The following PRDM1 variants were observed in gnomAD, a reference collection of about 807,000 sequenced individuals.
The protein encoded by PRDM1 is PR/SET domain 1.
PRDM1 carries 13 observed loss-of-function variants against 62.8 expected under a neutral mutation model. The observed-to-expected ratio is 0.21, with a 90% CI of 0.13 to 0.33. PRDM1 has a LOEUF of 0.33. PRDM1 is among the 10% of genes least tolerant of loss of function. The pLI, the probability that PRDM1 is intolerant of heterozygous loss-of-function variation, is 1.00. For missense variants in PRDM1, 895 were observed against 1,058.8 expected, an observed-to-expected ratio of 0.85 and a Z score of 2.15; for synonymous variants, 396 against 417.6, an observed-to-expected ratio of 0.95 and a Z score of 0.63.
chr6:106,074,321 AT>A, intron 1 of PRDM1, among the ~76,000 whole-genome samples: 1 of 152,276 alleles, frequency 6.6e-6, no homozygotes, highest in African/African-American at 2.4e-5. Flanking sequence ...GTCTCTAGGG[AT>A]TGTAATTTCC....
At chr6:106,095,825 G>A (rs1774100994) in intron 3 of PRDM1, 91 bp downstream of exon 3, 1 of 1,417,696 alleles carries the variant, frequency 7.1e-7, no homozygotes, top group Non-Finnish European at 9.6e-7. Context: ...ATCCTGTGCT[G>A]AGAAATGCTG....
intron 1 of PRDM1, among the ~76,000 whole-genome samples, chr6:106,020,821 A>G (rs1165092538): frequency 6.6e-6 from 1 of 152,242 alleles, no homozygotes; most frequent in Non-Finnish European, 1.5e-5. Flanking sequence ...TTGGCTATTA[A>G]GTACTTGGGC....
At chr6:106,034,993 A>C (rs1361804467) in intron 1 of PRDM1, among the ~76,000 whole-genome samples, 2 of 152,206 alleles carry the variant, frequency 1.3e-5, no homozygotes, top group African/African-American at 4.8e-5. Flanking sequence ...TGTGCTGTGC[A>C]CACTTGAGAA....
chr6:106,064,181 CTG>C (rs1263380642), intron 1 of PRDM1, among the ~76,000 whole-genome samples: 2 of 152,188 alleles, frequency 1.3e-5, no homozygotes, highest in African/African-American at 4.8e-5. Flanking sequence ...TTGAGTGTGA[CTG>C]TTTCCTCTGC....
intron 1 of PRDM1, among the ~76,000 whole-genome samples, chr6:106,033,899 T>A (rs1331489402): frequency 6.6e-6 from 1 of 152,142 alleles, no homozygotes; most frequent in African/African-American, 2.4e-5. Context: ...AGATTTTTTA[T>A]TATTATTTTT....
intron 1 of PRDM1, among the ~76,000 whole-genome samples, chr6:106,003,663 T>G (rs914961484): frequency 6.6e-6 from 1 of 152,210 alleles, no homozygotes; most frequent in African/African-American, 2.4e-5. Flanking sequence ...AGCTGTTTCT[T>G]TTGACCACTT....
chr6:106,043,120 G>A lies in PRDM1; in HGVS notation c.-66-45081G>A, dbSNP rs559365734. On this transcript the variant is annotated intron_variant, in intron 1 of 6. Coordinates refer to the PRDM1 transcript ENST00000652320. ...CTCACCTTGGCCTCCCAAAGTGCTG[G>A]GATTACAGGCATGAGCCACCACAAC... Among the ~76,000 whole-genome samples the A allele has an allele frequency of 2.0e-3, 306 of 152,208 alleles. 1 individual carries two copies. The highest frequency in any genetic ancestry group is 0.018 in the Admixed American group (279 of 15,286).
Position 106,073,533 on chromosome 6 carries a change from G to A in PRDM1, c.-66-14668G>A, listed in dbSNP as rs138750578. Among the ~76,000 whole-genome samples the A allele has an allele frequency of 5.3e-5, 8 of 152,250 alleles. No homozygotes were observed. In the East Asian group the frequency reaches 1.5e-3, roughly 29 times the overall value. On this transcript the variant is annotated intron_variant, in intron 1 of 6. Transcript: ENST00000651185. ...AGCCATTTACTGTCTATGTTCTCTGGTCAGCTGGACAGCGTTAAGGAACTC... is the reference window on the plus strand; with the variant it reads ...AGCCATTTACTGTCTATGTTCTCTGATCAGCTGGACAGCGTTAAGGAACTC...
In PRDM1 at chr6:106,105,359, C is replaced by T. The variant is rs1238394661; in HGVS notation, c.1199C>T (p.Pro400Leu). 3 of 1,613,712 alleles carry T rather than the reference C, an allele frequency of 1.9e-6. No individual in the cohort carries two copies. The highest frequency in any genetic ancestry group is 2.5e-6 in the Non-Finnish European group (3 of 1,179,814). ...PGYAPLPHLP[P>L]AFIPSYNAHY... ...TACGCACCCCTGCCCCACCTCCCGC[C>T]AGCTTTCATCCCCTCGTACAACGCT... The change falls in exon 5 of 7, where the codon CCA (proline) becomes CTA (leucine). Residue 400 changes from proline to leucine, a missense_variant. Transcript: ENST00000369096.
At chr6:106,014,251 G>A (rs892634495) in intron 1 of PRDM1, among the ~76,000 whole-genome samples, 15 of 151,434 alleles carry the variant, frequency 9.9e-5, no homozygotes, top group African/African-American at 3.4e-4. Flanking sequence ...GTAGAGACAG[G>A]GTCTCCCTGT....
In PRDM1 at chr6:106,040,866, G is replaced by A. The variant is rs576223640; in HGVS notation, c.-67+47227G>A. ...CAGATCATATTACTATCTTGCATTT[G>A]TCAATAAAAGGATGATGAAAATCCT... is the stretch of plus-strand genomic sequence containing the variant. On this transcript the variant is annotated intron_variant, in intron 1 of 6. Transcript: ENST00000652320. Among the ~76,000 whole-genome samples, 25 of 152,196 alleles carry A rather than the reference G, an allele frequency of 1.6e-4. No individual in the cohort carries two copies. In the South Asian group the frequency reaches 4.6e-3, roughly 28 times the overall value.
Position 106,099,370 on chromosome 6 carries a change from A to T in PRDM1, c.482A>T (p.Tyr161Phe). Residue 161 changes from tyrosine to phenylalanine, a missense_variant, in exon 4 of 7, where the codon TAT (tyrosine) becomes TTT (phenylalanine). Around this residue, in one of 4 missense-constraint regions of PRDM1, gnomAD observed 213 missense variants for 283.9 expected, o/e 0.75. Transcript: ENST00000369096. ...FNEEKSNWMR[Y>F]VNPAHSPREQ... ...GAAGAGAAAAGCAACTGGATGCGCT[A>T]TGTGAATCCAGCACACTCTCCCCGG... 6.2e-7 allele frequency: 1 copy of T among 1,614,130 alleles called. No homozygotes were observed. The highest frequency in any genetic ancestry group is 8.5e-7 in the Non-Finnish European group (1 of 1,179,994).
chr6:106,037,044 C>G (rs1203326929), intron 1 of PRDM1, among the ~76,000 whole-genome samples: 2 of 152,190 alleles, frequency 1.3e-5, no homozygotes, highest in African/African-American at 4.8e-5. Context: ...TGCAAGACCT[C>G]TTTTGGCATT....
At chr6:106,006,102 TC>T (rs1772478615) in intron 1 of PRDM1, among the ~76,000 whole-genome samples, 1 of 152,226 alleles carries the variant, frequency 6.6e-6, no homozygotes, top group Non-Finnish European at 1.5e-5. Context: ...CACGAAGGTG[TC>T]CGATTCCTCT....
chr6:106,045,866 T>C (rs1773065933), upstream of PRDM1: 1 of 152,180 alleles, frequency 6.6e-6, no homozygotes, highest in South Asian at 2.1e-4. Flanking sequence ...AATGCCTATG[T>C]TCTAGAGAAA....
upstream of PRDM1, among the ~76,000 whole-genome samples, chr6:106,084,024 A>G (rs141110887): frequency 6.6e-6 from 1 of 152,250 alleles, no homozygotes; most frequent in African/African-American, 2.4e-5. Flanking sequence ...TACAATATGG[A>G]CATGTTTTTT....
chr6:106,082,089 G>A (rs901032864), upstream of PRDM1, among the ~76,000 whole-genome samples: 1 of 152,156 alleles, frequency 6.6e-6, no homozygotes, highest in Non-Finnish European at 1.5e-5. Flanking sequence ...CTACTCTTCC[G>A]GTTCTCCAAA....
intron 1 of PRDM1, among the ~76,000 whole-genome samples, chr6:106,038,506 T>C (rs1772952522): frequency 6.6e-6 from 1 of 152,088 alleles, no homozygotes; most frequent in Admixed American, 6.6e-5. Context: ...AGGAGAAAAA[T>C]GAAGAAGAAA....
rs75204211 is a variant in PRDM1 at position 106,057,403 on chromosome 6, T to C, written c.-67+8689T>C. On this transcript the variant is annotated intron_variant, in intron 1 of 6. Coordinates refer to the PRDM1 transcript ENST00000651185. The stretch of plus-strand genomic sequence containing the variant: ...TTTTGCTTCATCCACCTGCCAGATA[T>C]ATTCACATATCTGTAGCCTTCTTTT... Among the ~76,000 whole-genome samples, 1,033 of 152,366 alleles carry C rather than the reference T, an allele frequency of 6.8e-3. 11 individuals carry two copies. Among genetic ancestry groups the C allele is most frequent in the African/African-American group, 0.024 (999 of 41,588 alleles).
Sources: allele counts gnomAD v4.1 joint callset (sites outside exome capture counted in the v4.1 genomes callset), GRCh38; gene constraint gnomAD v4.1.1; regional missense constraint gnomAD v4.1.1; transcripts MANE v1.5; gene names NCBI Gene and HGNC (gene_info 2026-07-23, HGNC 2026-07-21).